UTRN: variants seen among roughly 807,000 people sequenced by gnomAD.
The protein encoded by UTRN is utrophin, also known as dystrophin-related protein 1.
UTRN carries 283 observed loss-of-function variants against 463.9 expected under a neutral mutation model. The ratio of observed to expected loss-of-function variants is 0.61; its 90% CI spans 0.55 to 0.67. UTRN has a LOEUF of 0.67. Ranked by LOEUF, UTRN falls within the 30% of genes least tolerant of loss-of-function variation. The pLI is 0.00. For missense variants in UTRN, 3,922 were observed against 4,084.3 expected (o/e 0.96, Z 1.08); for synonymous variants, 1,442 against 1,431.5 (o/e 1.01, Z -0.17).
chr6:144,496,208 C>T (rs1449187161), intron 33 of UTRN, among the ~76,000 whole-genome samples: 1 of 152,228 alleles, frequency 6.6e-6, no homozygotes, highest in Middle Eastern at 3.4e-3. Flanking sequence ...TATTTTGGAT[C>T]CTCCTTCAGT....
chr6:144,566,926 C>T (rs561330730), intron 50 of UTRN, among the ~76,000 whole-genome samples: 4 of 152,162 alleles, frequency 2.6e-5, no homozygotes, highest in African/African-American at 7.2e-5. Flanking sequence ...GCAGGTGAAT[C>T]GCTTGAGTCC....
intron 69 of UTRN, among the ~76,000 whole-genome samples, chr6:144,831,343 G>C (rs769366333): frequency 3.3e-5 from 5 of 152,172 alleles, no homozygotes; most frequent in Non-Finnish European, 7.3e-5. Context: ...AGGAAGGAGA[G>C]CCAGAGTCAG....
chr6:144,586,706 A>G (rs1214846489), intron 51 of UTRN, among the ~76,000 whole-genome samples: 1 of 152,072 alleles, frequency 6.6e-6, no homozygotes, highest in East Asian at 1.9e-4. Context: ...CTTAGTGCCA[A>G]TTTCTGTAAA....
intron 62 of UTRN, 69 bp downstream of exon 62, chr6:144,789,348 A>G (rs983294715): frequency 7.7e-7 from 1 of 1,299,060 alleles, no homozygotes; most frequent in South Asian, 1.4e-5. Flanking sequence ...TTTATTGGAA[A>G]CTTAAATTAT....
intron 51 of UTRN, among the ~76,000 whole-genome samples, chr6:144,591,786 T>C (rs951289673): frequency 1.3e-5 from 2 of 152,110 alleles, no homozygotes; most frequent in African/African-American, 4.8e-5. Flanking sequence ...CTAGTATTAA[T>C]TATAGCCGGA....
chr6:144,375,509 G>T (rs1332038329), intron 2 of UTRN, among the ~76,000 whole-genome samples: 4 of 152,122 alleles, frequency 2.6e-5, no homozygotes, highest in Admixed American at 6.5e-5. Flanking sequence ...TCAATCTCAA[G>T]ATCATTTCAC....
chr6:144,300,391 C>CT (rs1351207502), intron 2 of UTRN, among the ~76,000 whole-genome samples: 1 of 152,148 alleles, frequency 6.6e-6, no homozygotes, highest in Non-Finnish European at 1.5e-5. Context: ...TTCCCGGCCT[C>CT]TTGTGATATC....
rs770067039 is a variant in UTRN, at chr6:144,491,083, C to A, written c.4418C>A (p.Thr1473Lys). ...GACGTAGACCCTGACGTCATACAGA[C>A]GCACCTGGACAAGTGTATGGTGAGG... ...VKDVDPDVIQ[T>K]HLDKCMKLYK... is the part of the protein sequence containing the mutation. Residue 1473 changes from threonine (T) to lysine (K), a missense_variant, in exon 32 of 75, where the codon ACG becomes AAG. By Grantham distance (78) the Thr-to-Lys change is moderately conservative. Coordinates refer to ENST00000367545, the MANE Select transcript of UTRN (RefSeq NM_007124.3). 6.2e-7 allele frequency: 1 copy of A among 1,607,998 alleles called. No individual in the cohort carries two copies. Among genetic ancestry groups the A allele is most frequent in the Non-Finnish European group, 8.5e-7 (1 of 1,178,058 alleles).
chr6:144,440,336 T>A lies in UTRN; in HGVS notation c.1393-16T>A. ...TGAAAGTAGAAATAATGGTTTATCT[T>A]AATTTTTTTCTCTAGAGTTTGCAAA... is the stretch of plus-strand genomic sequence containing the variant. On this transcript the variant is annotated splice_polypyrimidine_tract_variant and intron_variant, in intron 12 of 74. Transcript: ENST00000367545. 1 of 1,614,002 alleles carries A rather than the reference T, an allele frequency of 6.2e-7. No individual in the cohort carries two copies. The highest frequency in any genetic ancestry group is 8.5e-7 in the Non-Finnish European group (1 of 1,179,876).
At chr6:144,535,846 C>T (rs1201401669) in intron 43 of UTRN, among the ~76,000 whole-genome samples, 3 of 152,164 alleles carry the variant, frequency 2.0e-5, no homozygotes, top group Non-Finnish European at 2.9e-5. Flanking sequence ...ATGGTGCAAT[C>T]GTAGCTCACT....
At chr6:144,451,098 C>T (rs576597639) in intron 17 of UTRN, among the ~76,000 whole-genome samples, 10 of 151,920 alleles carry the variant, frequency 6.6e-5, no homozygotes, top group East Asian at 3.9e-4. Flanking sequence ...GGTGACAGGG[C>T]GAGACTCCAT....
intron 23 of UTRN, among the ~76,000 whole-genome samples, chr6:144,470,811 G>A (rs1185911737): frequency 1.3e-5 from 2 of 151,914 alleles, no homozygotes; most frequent in African/African-American, 2.4e-5. Context: ...GATCACTCTC[G>A]GTCAGGAACT....
At chr6:144,302,670 G>T (rs75284319) in intron 2 of UTRN, among the ~76,000 whole-genome samples, 1,943 of 152,292 alleles carry the variant, frequency 0.013, 47 homozygotes, top group African/African-American at 0.044. Flanking sequence ...TCTCAGGCTA[G>T]TTGGAAAGAA....
intron 41 of UTRN, among the ~76,000 whole-genome samples, chr6:144,530,032 C>T (rs1026753808): frequency 1.3e-5 from 2 of 152,140 alleles, no homozygotes; most frequent in Non-Finnish European, 2.9e-5. Flanking sequence ...TATTGCATAA[C>T]GGGCTCTGCA....
Position 144,444,256 on chromosome 6 carries a change from A to C in UTRN, c.1513-25A>C, listed in dbSNP as rs1382666069. ...AACTCTCTCTTAAGGCTGTGTTGAC[A>C]AAGGATGGTTTCTCCTTTTTCTAGA... On this transcript the variant is annotated intron_variant, in intron 13 of 74. Coordinates refer to ENST00000367545, the MANE Select transcript of UTRN (RefSeq NM_007124.3). 3.1e-6 allele frequency: 5 copies of C among 1,593,366 alleles called. No individual in the cohort carries two copies. The South Asian group carries it at 4.5e-5, about 14-fold the overall frequency.
intron 51 of UTRN, among the ~76,000 whole-genome samples, chr6:144,596,864 G>A (rs1259719014): frequency 1.3e-5 from 2 of 152,148 alleles, no homozygotes; most frequent in Non-Finnish European, 2.9e-5. Context: ...TTACTGTTGA[G>A]CATCATAAAA....
Position 144,498,534 on chromosome 6 carries a change from G to A in UTRN, c.4594-723G>A, listed in dbSNP as rs114358753. On this transcript the variant is annotated intron_variant, in intron 33 of 74. Transcript: ENST00000367545. ...TTTCCCCTCAAGTTACTATAATACC[G>A]TATTTTTCCTTCATGGAGAGGATTC... Among the ~76,000 whole-genome samples, 639 of 152,200 alleles carry A rather than the reference G, an allele frequency of 4.2e-3. 1 individual carries two copies. Among genetic ancestry groups the A allele is most frequent in the African/African-American group, 0.014 (561 of 41,512 alleles).
At chr6:144,290,290 A>C (rs990423215) in intron 1 of UTRN, among the ~76,000 whole-genome samples, 1 of 152,212 alleles carries the variant, frequency 6.6e-6, no homozygotes, top group Non-Finnish European at 1.5e-5. Flanking sequence ...TCTGAATTCA[A>C]TCAAAGATTA....
At chr6:144,427,222 T>G (rs906923366) in intron 7 of UTRN, among the ~76,000 whole-genome samples, 1 of 152,160 alleles carries the variant, frequency 6.6e-6, no homozygotes, top group Admixed American at 6.5e-5. Flanking sequence ...ATGTATTGGA[T>G]CTTTACTTCA....
Sources: allele counts gnomAD v4.1 joint callset (sites outside exome capture counted in the v4.1 genomes callset), GRCh38; gene constraint gnomAD v4.1.1; transcripts MANE v1.5; gene names NCBI Gene and HGNC (gene_info 2026-07-23, HGNC 2026-07-21).